Variants in CRIPT observed in about 807,000 individuals in gnomAD.
The protein encoded by CRIPT is cysteine-rich PDZ-binding protein.
A neutral mutation model predicts 16.6 loss-of-function variants in CRIPT; 20 were observed. The ratio of observed to expected loss-of-function variants is 1.20; its 90% confidence interval spans 0.85 to 1.75. CRIPT has a LOEUF of 1.75. Among genes scored for constraint, CRIPT ranks in the 40% most tolerant of loss-of-function variants. The pLI is 0.00. For synonymous variants in CRIPT, 42 were observed against 37.0 expected, an observed-to-expected ratio of 1.14 and a Z score of -0.49; for missense variants, 133 against 115.3, an observed-to-expected ratio of 1.15 and a Z score of -0.70.
At position 46,618,872 on chromosome 2, in the gene CRIPT, G is replaced by A. The variant is rs368976360; in HGVS notation, c.82+34G>A. On this transcript the variant is annotated intron_variant, in intron 2 of 4. Transcript: ENST00000238892. ...TCTTTTAGAAAATAGGAATTTAACC[G>A]AATACTTACTGTGAATAATACCTTA... 43 of 1,283,842 alleles carry A rather than the reference G, an allele frequency of 3.3e-5. No individual in the cohort carries two copies. In the African/African-American group the frequency reaches 5.3e-4, roughly 16 times the overall value. The allele number at this position is 1,283,842 out of a possible 1,614,324, so 79.5% of individuals were successfully genotyped here.
At position 46,623,859 on chromosome 2, in the gene CRIPT, A is replaced by G. The variant is rs985754806; in HGVS notation, c.233A>G (p.Tyr78Cys). ...TCTCATTACTGCCAGGGCTGTGCCTACAAAAAAGGTAAGTTTCTTTTAATA... is the reference window on the plus strand; with the variant it reads ...TCTCATTACTGCCAGGGCTGTGCCTGCAAAAAAGGTAAGTTTCTTTTAATA... ...PGSHYCQGCAYKKGICAMCGK... is the reference protein window; with the variant it reads ...PGSHYCQGCACKKGICAMCGK... Residue 78 changes from tyrosine (Y) to cysteine (C), a missense_variant, in exon 4 of 5, where the codon TAC becomes TGC. Transcript: ENST00000238892. 8 of 1,599,648 alleles carry G rather than the reference A, an allele frequency of 5.0e-6. No individual in the cohort carries two copies. Among genetic ancestry groups the G allele is most frequent in the Non-Finnish European group, 6.8e-6 (8 of 1,173,046 alleles).
At chr2:46,620,067 C>A (rs1349982774) in intron 3 of CRIPT, among the ~76,000 whole-genome samples, 1 of 152,132 alleles carries the variant, frequency 6.6e-6, no homozygotes, top group Non-Finnish European at 1.5e-5. Context: ...GTTTCGTGAC[C>A]TTTCTAAACT....
intron 1 of CRIPT, 128 bp downstream of exon 1, chr2:46,617,426 A>G (rs528797209): frequency 2.1e-5 from 23 of 1,087,082 alleles, no homozygotes; most frequent in Middle Eastern, 2.7e-4. Flanking sequence ...CTGTCTTTCT[A>G]CCCTACCCTT....
rs1212954278 is a variant in CRIPT at position 46,626,190 on chromosome 2, C to G, written c.*1963C>G. ...CCACTGATAAGTGAGAACATGCGGT[C>G]TTTGGTTTTCTGTTCCTGTGTATAT... is the stretch of plus-strand genomic sequence containing the variant. On this transcript the variant is annotated 3_prime_UTR_variant, in exon 5 of 5. Coordinates refer to ENST00000238892, the MANE Select transcript of CRIPT (RefSeq NM_014171.6). 6.6e-6 allele frequency among the ~76,000 whole-genome samples: 1 copy of G among 152,092 alleles called. No homozygotes were observed. Among genetic ancestry groups the G allele is most frequent in the Non-Finnish European group, 1.5e-5 (1 of 67,996 alleles).
intron 4 of CRIPT, 80 bp from the exon 5 acceptor site, chr2:46,624,083 A>AACAGC: frequency 1.2e-6 from 1 of 817,738 alleles, no homozygotes; most frequent in East Asian, 3.0e-5. Flanking sequence ...CTGTTAAATT[A>AACAGC]TGTTTTAAGC....
intron 2 of CRIPT, 150 bp downstream of exon 2, chr2:46,618,988 A>T: frequency 1.9e-6 from 1 of 523,114 alleles, no homozygotes; most frequent in South Asian, 3.0e-5. Context: ...AAGTGATTTA[A>T]TATCTTCTAT....
rs1377483713 is a variant in CRIPT, at chr2:46,617,248, T to TGCTGTTGCG, written c.-31_-23dup. On this transcript the variant is annotated 5_prime_UTR_variant, in exon 1 of 5. Coordinates refer to ENST00000238892, the MANE Select transcript of CRIPT (RefSeq NM_014171.6). ...GTTGTTTTCAGCCTGCTGCTGCTGC[T>TGCTGTTGCG]GCTGTTGCGGCTAGGGGAACCGTCG... 2 of 1,553,458 alleles carry TGCTGTTGCG rather than the reference T, an allele frequency of 1.3e-6. No individual in the cohort carries two copies. Among genetic ancestry groups the TGCTGTTGCG allele is most frequent in the East Asian group, 4.8e-5 (2 of 41,652 alleles).
intron 2 of CRIPT, 23 bp downstream of exon 2, chr2:46,618,861 G>A (rs771417832): frequency 4.2e-6 from 6 of 1,444,720 alleles, no homozygotes; most frequent in Non-Finnish European, 4.8e-6. Flanking sequence ...TTAGAAAATA[G>A]GAATTTAACC....
At chr2:46,622,828 A>T (rs1188828510) in intron 3 of CRIPT, among the ~76,000 whole-genome samples, 1 of 151,626 alleles carries the variant, frequency 6.6e-6, no homozygotes, top group Non-Finnish European at 1.5e-5. Context: ...AAAAAAAGTG[A>T]TATTCTCTGT....
In CRIPT at chr2:46,627,248, G is replaced by A. The variant is rs1572797981; in HGVS notation, c.*3021G>A. On this transcript the variant is annotated 3_prime_UTR_variant, in exon 5 of 5. Transcript: ENST00000238892. ...TTCTCTCCCATTCTGTAGGTTGTCT[G>A]TTTACTGTATTGATAGTTCCTTTTG... Among the ~76,000 whole-genome samples the A allele has an allele frequency of 6.6e-6, 1 of 152,130 alleles. No homozygotes were observed. The highest frequency in any genetic ancestry group is 1.5e-5 in the Non-Finnish European group (1 of 68,012).
chr2:46,622,262 C>T (rs574235811), intron 3 of CRIPT, among the ~76,000 whole-genome samples: 32 of 150,052 alleles, frequency 2.1e-4, no homozygotes, highest in African/African-American at 6.9e-4. Context: ...CCCAGCTACT[C>T]GGGAGGCTGA....
At position 46,626,257 on chromosome 2, in the gene CRIPT, G is replaced by T. The variant is rs551919429; in HGVS notation, c.*2030G>T. ...CAGCTGCATCCATGTTGCTGCAAAA[G>T]ACATGATTTTCATTCTTTTTTATGG... is the stretch of plus-strand genomic sequence containing the variant. On this transcript the variant is annotated 3_prime_UTR_variant, in exon 5 of 5. Transcript: ENST00000238892. Among the ~76,000 whole-genome samples the T allele has an allele frequency of 3.3e-5, 5 of 152,236 alleles. No individual in the cohort carries two copies. Among genetic ancestry groups the T allele is most frequent in the African/African-American group, 1.2e-4 (5 of 41,534 alleles).
rs148720439 is a variant in CRIPT, at chr2:46,628,234, C to A, written c.*4007C>A. ...CAAGCAATTCTCCTGCCTCAGCCTC[C>A]CAAATAGCTGGGATTACAGGAGCCC... On this transcript the variant is annotated 3_prime_UTR_variant, in exon 5 of 5. Coordinates refer to ENST00000238892, the MANE Select transcript of CRIPT (RefSeq NM_014171.6). Among the ~76,000 whole-genome samples, 427 of 151,984 alleles carry A rather than the reference C, an allele frequency of 2.8e-3. 4 individuals are homozygous for A. The highest frequency in any genetic ancestry group is 9.8e-3 in the African/African-American group (405 of 41,432).
rs575926826 is a variant in CRIPT at position 46,620,519 on chromosome 2, C to A, written c.137+838C>A. ...TGCTCCCCTTCACATCAGAAGTTTTCCAAAGTCTTACCTAGACACTTTTTC... is the reference window on the plus strand; with the variant it reads ...TGCTCCCCTTCACATCAGAAGTTTTACAAAGTCTTACCTAGACACTTTTTC... On this transcript the variant is annotated intron_variant, in intron 3 of 4. Transcript: ENST00000238892. Among the ~76,000 whole-genome samples, 86 of 152,006 alleles carry A rather than the reference C, an allele frequency of 5.7e-4. 2 individuals are homozygous for A. In the South Asian group the frequency reaches 0.016, roughly 29 times the overall value.
In CRIPT at chr2:46,624,158, T is replaced by G; in HGVS notation, c.242-5T>G. 1 of 1,556,116 alleles carries G rather than the reference T, an allele frequency of 6.4e-7. No homozygotes were observed. Among genetic ancestry groups the G allele is most frequent in the Non-Finnish European group, 8.7e-7 (1 of 1,145,536 alleles). On this transcript the variant is annotated splice_region_variant and splice_polypyrimidine_tract_variant and intron_variant, in intron 4 of 4. Coordinates refer to ENST00000238892, the MANE Select transcript of CRIPT (RefSeq NM_014171.6). ...TGATTGATCACATATCTTCTTTTGT[T>G]TCAGGCATCTGTGCGATGTGTGGAA...
intron 3 of CRIPT, among the ~76,000 whole-genome samples, chr2:46,622,105 C>T (rs1037889519): frequency 3.2e-4 from 48 of 152,160 alleles, no homozygotes; most frequent in Non-Finnish European, 1.5e-5. Context: ...TGCGGTGGCT[C>T]ACGCCTGTAA....
At chr2:46,620,702 GTAA>G (rs1670780114) in intron 3 of CRIPT, among the ~76,000 whole-genome samples, 1 of 136,800 alleles carries the variant, frequency 7.3e-6, no homozygotes, top group South Asian at 2.3e-4. Flanking sequence ...ATATATATAT[GTAA>G]TAATATTATT....
At position 46,624,703 on chromosome 2, in the gene CRIPT, T is replaced by C. The variant is rs1456457772; in HGVS notation, c.*476T>C. 6.6e-6 allele frequency: 1 copy of C among 152,306 alleles called. No individual in the cohort carries two copies. The highest frequency in any genetic ancestry group is 6.5e-5 in the Admixed American group (1 of 15,288). The allele number at this position is 152,306 out of a possible 1,614,324, so 9.4% of individuals were successfully genotyped here. A position where few individuals can be genotyped will look rare whatever the true frequency, so the allele number is the denominator to read the frequency against. ...ATATATAAATGTTTCAAGCCATTATTGCTGAATGGTTCTTTAGTTATTAAC... is the reference window on the plus strand; with the variant it reads ...ATATATAAATGTTTCAAGCCATTATCGCTGAATGGTTCTTTAGTTATTAAC... On this transcript the variant is annotated 3_prime_UTR_variant, in exon 5 of 5. Transcript: ENST00000238892.
At position 46,618,841 on chromosome 2, in the gene CRIPT, A is replaced by T; in HGVS notation, c.82+3A>T. 6.3e-7 allele frequency: 1 copy of T among 1,578,722 alleles called. No homozygotes were observed. Among genetic ancestry groups the T allele is most frequent in the Non-Finnish European group, 8.7e-7 (1 of 1,154,386 alleles). The stretch of plus-strand genomic sequence containing the variant: ...AGATGGTGCTAGGAATACCACAGGT[A>T]TTTCTTCTTTTAGAAAATAGGAATT... On this transcript the variant is annotated splice_donor_region_variant and intron_variant, in intron 2 of 4. Coordinates refer to ENST00000238892, the MANE Select transcript of CRIPT (RefSeq NM_014171.6).
Sources: gnomAD v4.1 joint callset for allele counts (sites outside exome capture counted in the v4.1 genomes callset) on GRCh38, gnomAD v4.1.1 for gene constraint, MANE v1.5 for transcripts, NCBI Gene and HGNC (gene_info 2026-07-23, HGNC 2026-07-21) for gene names.